Variants in TNS3 observed in about 807,000 individuals in gnomAD.
The protein encoded by TNS3 is tensin-3.
Under a neutral mutation model 140.9 loss-of-function variants are expected in TNS3, and 45 were observed. The ratio of observed to expected loss-of-function variants is 0.32; its 90% CI spans 0.25 to 0.41. The LOEUF (loss-of-function observed/expected upper bound fraction) is 0.41. TNS3 is among the 10% of genes least tolerant of loss of function. The probability of loss-of-function intolerance (pLI) is 1.00; values close to 1 mark genes in which losing one functional copy is unlikely to be tolerated. For missense variants in TNS3, 1,716 were observed against 1,906.7 expected, an observed-to-expected ratio of 0.90 and a Z score of 1.86; for synonymous variants, 815 against 788.4, an observed-to-expected ratio of 1.03 and a Z score of -0.56.
intron 4 of TNS3, among the ~76,000 whole-genome samples, chr7:47,446,754 C>T (rs117670036): frequency 7.5e-6 from 1 of 134,152 alleles, no homozygotes; most frequent in East Asian, 2.4e-4. Context: ...GTGGCATGAT[C>T]ACGGCTGACT....
chr7:47,573,734 A>C (rs1246642615), intron 1 of TNS3, among the ~76,000 whole-genome samples: 1 of 152,170 alleles, frequency 6.6e-6, no homozygotes, highest in African/African-American at 2.4e-5. Context: ...AGGGACCTCA[A>C]GTAATCCAGA....
In TNS3 at chr7:47,495,310, C is replaced by T. The variant is rs116373035; in HGVS notation, c.-115+11597G>A. ...TGGTGCAGTCGCCAGAGAGCACAGG[C>T]TTCAGTGCCGCACATCAACTAAGTG... On this transcript the variant is annotated intron_variant, in intron 3 of 30. Transcript: ENST00000311160. 4.7e-3 allele frequency among the ~76,000 whole-genome samples: 720 copies of T among 152,262 alleles called. 10 individuals are homozygous for T. Among genetic ancestry groups the T allele is most frequent in the African/African-American group, 0.016 (664 of 41,544 alleles).
chr7:47,505,381 A>C (rs1798376669), intron 3 of TNS3, among the ~76,000 whole-genome samples: 1 of 152,236 alleles, frequency 6.6e-6, no homozygotes, highest in Non-Finnish European at 1.5e-5. Context: ...ACGGTCAGAA[A>C]TCAGCTACGC....
In TNS3 at chr7:47,285,050, C is replaced by T. The variant is rs1341369232; in HGVS notation, c.3929-1185G>A. 2.0e-5 allele frequency among the ~76,000 whole-genome samples: 3 copies of T among 152,050 alleles called. No homozygotes were observed. In the East Asian group the frequency reaches 5.8e-4, roughly 29 times the overall value. ...TTTGGCAGGTATGTTGGTAGACGTT[C>T]TGGCAGATGTGTTGGCAGGTGCACT... On this transcript the variant is annotated intron_variant, in intron 27 of 30. Transcript: ENST00000311160.
In TNS3 at chr7:47,389,154, A is replaced by AAGAAGAAGAAGAAGC. The variant is rs1340201271; in HGVS notation, c.1024+7645_1024+7646insGCTTCTTCTTCTTCT. ...GAAGAAGAAGAAGAAGAAGAAGAAGAAGCAGAAGAAGCAGCAGAAGCAGAA... is the reference window on the plus strand; with the variant it reads ...GAAGAAGAAGAAGAAGAAGAAGAAGAAGAAGAAGAAGAAGCAGCAGAAGAAGCAGCAGAAGCAGAA... On this transcript the variant is annotated intron_variant, in intron 16 of 30. Transcript: ENST00000311160. 2.3e-4 allele frequency among the ~76,000 whole-genome samples: 19 copies of AAGAAGAAGAAGAAGC among 82,292 alleles called. 8 individuals carry two copies. In the East Asian group the frequency reaches 2.9e-3, roughly 12 times the overall value. The allele number at this position is 82,292 out of a possible 152,430, so 54.0% of individuals were successfully genotyped here.
At position 47,578,570 on chromosome 7, in the gene TNS3, G is replaced by A. The variant is rs573959997; in HGVS notation, c.-265+3481C>T. On this transcript the variant is annotated intron_variant, in intron 1 of 30. Transcript: ENST00000311160. ...ATGGGGCAGGGGGTTGGGGGGGGGC[G>A]GTGGTTAGAGGTGTGTCTAGAGGGC... 6.6e-5 allele frequency among the ~76,000 whole-genome samples: 10 copies of A among 151,968 alleles called. No homozygotes were observed. In the East Asian group the frequency reaches 9.8e-4, roughly 15 times the overall value.
At chr7:47,571,718 G>A (rs759091880) in intron 1 of TNS3, among the ~76,000 whole-genome samples, 2 of 152,208 alleles carry the variant, frequency 1.3e-5, no homozygotes, top group Non-Finnish European at 2.9e-5. Context: ...AACCTTTTTG[G>A]CTACAAAGCT....
intron 20 of TNS3, among the ~76,000 whole-genome samples, chr7:47,330,535 C>A (rs1356633399): frequency 6.6e-6 from 1 of 152,106 alleles, no homozygotes; most frequent in Non-Finnish European, 1.5e-5. Context: ...AAATCCCAAC[C>A]CAGGTCCCAC....
intron 17 of TNS3, among the ~76,000 whole-genome samples, chr7:47,362,382 C>T (rs559334711): frequency 3.9e-5 from 6 of 152,306 alleles, no homozygotes; most frequent in Admixed American, 3.3e-4. Context: ...TCTACACTGT[C>T]CAGCGATAAA....
chr7:47,544,703 A>G (rs553128483), intron 1 of TNS3, among the ~76,000 whole-genome samples: 22 of 152,120 alleles, frequency 1.4e-4, no homozygotes, highest in Non-Finnish European at 3.1e-4. Context: ...TCCAGCTTAC[A>G]GACCTACTGC....
intron 1 of TNS3, among the ~76,000 whole-genome samples, chr7:47,570,759 A>C (rs1277651918): frequency 6.6e-6 from 1 of 152,058 alleles, no homozygotes; most frequent in African/African-American, 2.4e-5. Context: ...GAGTGATGTC[A>C]CACCTTGGCA....
At chr7:47,360,907 T>A (rs916108527) in intron 17 of TNS3, among the ~76,000 whole-genome samples, 1 of 152,044 alleles carries the variant, frequency 6.6e-6, no homozygotes, top group Non-Finnish European at 1.5e-5. Flanking sequence ...GTACCATGGA[T>A]CCCCTGTGTC....
intron 24 of TNS3, among the ~76,000 whole-genome samples, chr7:47,295,549 G>A (rs1785960674): frequency 2.0e-5 from 3 of 152,006 alleles, no homozygotes; most frequent in Admixed American, 2.0e-4. Context: ...TCTTATGCTG[G>A]AATTCTGGAT....
At chr7:47,462,993 C>T (rs572529110) in intron 4 of TNS3, among the ~76,000 whole-genome samples, 15 of 152,142 alleles carry the variant, frequency 9.9e-5, no homozygotes, top group Non-Finnish European at 2.1e-4. Context: ...CTAATCAATG[C>T]CTAATCAATT....
At chr7:47,557,524 GA>G (rs1800226688) in intron 1 of TNS3, among the ~76,000 whole-genome samples, 1 of 152,224 alleles carries the variant, frequency 6.6e-6, no homozygotes, top group African/African-American at 2.4e-5. Context: ...AACACATACA[GA>G]AATCTATCTT....
intron 4 of TNS3, among the ~76,000 whole-genome samples, chr7:47,476,322 C>A (rs1797193369): frequency 6.6e-6 from 1 of 152,220 alleles, no homozygotes; most frequent in African/African-American, 2.4e-5. Context: ...CCTACCACTA[C>A]ATTCTGTGCC....
intron 7 of TNS3, among the ~76,000 whole-genome samples, chr7:47,435,696 G>A (rs1795145895): frequency 6.6e-6 from 1 of 152,178 alleles, no homozygotes; most frequent in South Asian, 2.1e-4. Context: ...CAGGTTGTGT[G>A]GACGGGGCTG....
At position 47,442,065 on chromosome 7, in the gene TNS3, A is replaced by G; in HGVS notation, c.-75-10T>C. The G allele has an allele frequency of 7.9e-7, 1 of 1,269,616 alleles. No individual in the cohort carries two copies. Among genetic ancestry groups the G allele is most frequent in the Non-Finnish European group, 1.0e-6 (1 of 982,072 alleles). 78.6% of individuals were successfully genotyped at this position (1,269,616 alleles called of 1,614,324 possible). ...TGGAACTCCCTGGAGCCTGCAAATA[A>G]CAAAACAAGGGTCATTTTGAAGTTT... On this transcript the variant is annotated splice_polypyrimidine_tract_variant and intron_variant, in intron 4 of 30. Coordinates refer to ENST00000311160, the MANE Select transcript of TNS3 (RefSeq NM_022748.12).
intron 13 of TNS3, among the ~76,000 whole-genome samples, chr7:47,401,959 A>G (rs1793191426): frequency 6.6e-6 from 1 of 152,234 alleles, no homozygotes. Flanking sequence ...TACCAGAGAC[A>G]GCCACGTTCC....
Sources: gnomAD v4.1 joint callset for allele counts (sites outside exome capture counted in the v4.1 genomes callset) on GRCh38, gnomAD v4.1.1 for gene constraint, MANE v1.5 for transcripts, NCBI Gene and HGNC (gene_info 2026-07-23, HGNC 2026-07-21) for gene names.